Variants in SRC observed in about 807,000 individuals in gnomAD.
The protein encoded by SRC is SRC proto-oncogene, non-receptor tyrosine kinase.
Under a neutral mutation model 62.9 loss-of-function variants are expected in SRC, and 13 were observed. The observed-to-expected ratio is 0.21, with a 90% CI of 0.13 to 0.33. The LOEUF is 0.33. Among genes scored for constraint, SRC ranks in the 10% least tolerant of loss-of-function variants. The probability of loss-of-function intolerance (pLI) is 1.00; values close to 1 mark genes in which losing one functional copy is unlikely to be tolerated. For synonymous variants in SRC, 302 were observed against 317.5 expected, an observed-to-expected ratio of 0.95 and a Z score of 0.52; for missense variants, 457 against 737.3, an observed-to-expected ratio of 0.62 and a Z score of 4.40.
Position 37,403,635 on chromosome 20 carries a change from T to C in SRC, c.*256T>C. 1 of 534,514 alleles carries C rather than the reference T, an allele frequency of 1.9e-6. No individual in the cohort carries two copies. 33.1% of individuals were successfully genotyped at this position (534,514 alleles called of 1,614,324 possible). A position where few individuals can be genotyped will look rare whatever the true frequency, so the allele number is the denominator to read the frequency against. On this transcript the variant is annotated 3_prime_UTR_variant, in exon 14 of 14. Transcript: ENST00000373578. This position sits in a 1 kb window ranked among gnomAD's most constrained non-coding sequence, Gnocchi z 7.1. ...TGTGGCCGCACGCCTCTCCCTGCAC[T>C]CCCTCCTGGAGCTCTGTGGGTCTCT...
rs988357489 is a variant in SRC, at chr20:37,404,588, G to A, written c.*1209G>A. Reference sequence around the variant, plus strand: ...TGCCTAAGCGGGGGTGAAAGAGGACGTGTTACCCACTGCCATGCACCAGGA... The same window carrying A: ...TGCCTAAGCGGGGGTGAAAGAGGACATGTTACCCACTGCCATGCACCAGGA... On this transcript the variant is annotated 3_prime_UTR_variant, in exon 14 of 14. Transcript: ENST00000373578. 1.3e-5 allele frequency: 3 copies of A among 233,626 alleles called. No homozygotes were observed. The highest frequency in any genetic ancestry group is 5.6e-5 in the Admixed American group (1 of 17,788). The allele number at this position is 233,626 out of a possible 1,614,324, so 14.5% of individuals were successfully genotyped here.
chr20:37,399,798 G>A (rs566133325), intron 9 of SRC, among the ~76,000 whole-genome samples: 115 of 152,190 alleles, frequency 7.6e-4, no homozygotes, highest in Non-Finnish European at 1.4e-3. Context: ...CACCCGCCTC[G>A]GCCCCCTAAA....
chr20:37,393,963 T>C lies in SRC; in HGVS notation c.419T>C (p.Val140Ala). 6.2e-7 allele frequency: 1 copy of C among 1,614,074 alleles called. No homozygotes were observed. The highest frequency in any genetic ancestry group is 8.5e-7 in the Non-Finnish European group (1 of 1,180,010). Residue 140 changes from valine (V) to alanine (A), a missense_variant, in exon 6 of 14, where the codon GTG becomes GCG. Val to Ala is a moderately conservative substitution (Grantham distance 64). This residue lies in a region of SRC where 141 missense variants were observed against 198.4 expected (regional missense o/e 0.71). Transcript: ENST00000373578. ...ACAGGCTACATCCCCAGCAACTACG[T>C]GGCGCCCTCCGACTCCATCCAGGCT... The part of the protein sequence containing the change: ...GQTGYIPSNY[V>A]APSDSIQAEE...
intron 5 of SRC, 140 bp downstream of exon 5, chr20:37,386,314 G>A: frequency 1.2e-6 from 1 of 841,330 alleles, no homozygotes; most frequent in South Asian, 1.3e-5. Flanking sequence ...TGTGGAGGCA[G>A]GCGCCTGCTG....
intron 4 of SRC, 80 bp from the exon 5 acceptor site, chr20:37,385,995 T>A: frequency 8.7e-7 from 1 of 1,144,722 alleles, no homozygotes; most frequent in Non-Finnish European, 1.3e-6. Flanking sequence ...AATCCACTCC[T>A]CCTGGGTACA....
chr20:37,401,773 A>T (rs1202659848), intron 11 of SRC, 95 bp downstream of exon 11: 1 of 835,402 alleles, frequency 1.2e-6, no homozygotes, highest in Non-Finnish European at 1.8e-6. Context: ...TGCCCCCTCC[A>T]AGAAGCCTGC....
At chr20:37,388,376 C>T (rs924268579) in intron 5 of SRC, among the ~76,000 whole-genome samples, 1 of 152,148 alleles carries the variant, frequency 6.6e-6, no homozygotes, top group African/African-American at 2.4e-5. Flanking sequence ...CCTGGGGTAG[C>T]TGATTGGGAG....
chr20:37,357,477 G>T (rs1199264162), intron 1 of SRC, among the ~76,000 whole-genome samples: 2 of 152,234 alleles, frequency 1.3e-5, no homozygotes, highest in Non-Finnish European at 2.9e-5. Context: ...CCTTTGGCCA[G>T]TGTCTGTTCT....
intron 5 of SRC, among the ~76,000 whole-genome samples, chr20:37,388,193 C>T (rs1279163236): frequency 6.6e-6 from 1 of 150,536 alleles, no homozygotes; most frequent in Non-Finnish European, 1.5e-5. Flanking sequence ...GCTGGGAGAA[C>T]TTTGGTTCTG....
chr20:37,372,122 C>T (rs1023322838), intron 2 of SRC, among the ~76,000 whole-genome samples: 4 of 152,126 alleles, frequency 2.6e-5, no homozygotes, highest in African/African-American at 7.2e-5. Flanking sequence ...CTCAGCCTCC[C>T]GAGTAGCTGG....
At chr20:37,393,548 C>G (rs558140442) in intron 5 of SRC, among the ~76,000 whole-genome samples, 1 of 148,478 alleles carries the variant, frequency 6.7e-6, no homozygotes, top group East Asian at 2.1e-4. Flanking sequence ...AGGCAGCTCT[C>G]GGCATCTTGA....
intron 1 of SRC, among the ~76,000 whole-genome samples, chr20:37,364,924 C>T (rs6063022): frequency 0.17 from 25,475 of 152,104 alleles, 2,315 homozygotes; most frequent in Middle Eastern, 0.23. Context: ...AAATCCTTGT[C>T]CTCGAAGCCC....
At chr20:37,364,497 G>C (rs558896837) in intron 1 of SRC, among the ~76,000 whole-genome samples, 7 of 152,282 alleles carry the variant, frequency 4.6e-5, no homozygotes, top group African/African-American at 1.7e-4. Flanking sequence ...CCCGTGATGA[G>C]GGCGTGGCAG....
chr20:37,348,988 T>G (rs1206277098), intron 1 of SRC, among the ~76,000 whole-genome samples: 13 of 140,946 alleles, frequency 9.2e-5, no homozygotes, highest in Middle Eastern at 3.6e-3. Flanking sequence ...TGAAGGGGAG[T>G]GGGTAAGAGG....
At chr20:37,394,771 C>G (rs1474462504) in intron 7 of SRC, among the ~76,000 whole-genome samples, 1 of 152,190 alleles carries the variant, frequency 6.6e-6, no homozygotes, top group African/African-American at 2.4e-5. Context: ...TGCAGGCGCC[C>G]GTCACCATGG....
intron 5 of SRC, among the ~76,000 whole-genome samples, chr20:37,391,445 A>G (rs898304312): frequency 1.3e-5 from 2 of 152,188 alleles, no homozygotes; most frequent in Admixed American, 1.3e-4. Context: ...CCACTGGTAA[A>G]TGGAGGCTTT....
chr20:37,369,346 C>T (rs897827860), intron 2 of SRC, among the ~76,000 whole-genome samples: 18 of 152,068 alleles, frequency 1.2e-4, no homozygotes, highest in Non-Finnish European at 2.5e-4. Flanking sequence ...TTGTAGTTTT[C>T]GGAGTATAAG....
intron 1 of SRC, 148 bp from the exon 2 acceptor site, chr20:37,365,056 T>A (rs1427206097): frequency 6.6e-6 from 1 of 152,138 alleles, no homozygotes; most frequent in Admixed American, 6.6e-5. Flanking sequence ...CACTGCCGTG[T>A]CCATAGTAAC....
chr20:37,401,797 A>G, intron 11 of SRC, 119 bp downstream of exon 11: 1 of 644,232 alleles, frequency 1.6e-6, no homozygotes, highest in South Asian at 2.2e-5. Context: ...GATTGCCTCC[A>G]CACTCACTGA....
Sources: gnomAD v4.1 joint callset for allele counts (sites outside exome capture counted in the v4.1 genomes callset) on GRCh38, gnomAD v4.1.1 for gene constraint, gnomAD v4.1.1 regional missense constraint, Gnocchi (gnomAD v3.1) non-coding constraint, MANE v1.5 for transcripts, NCBI Gene and HGNC (gene_info 2026-07-23, HGNC 2026-07-21) for gene names.